RPS6KA5: variants seen among roughly 807,000 people sequenced by gnomAD.
RPS6KA5 encodes the protein ribosomal protein S6 kinase A5.
A neutral mutation model predicts 85.5 loss-of-function variants in RPS6KA5; 27 were observed. That is an observed-to-expected ratio of 0.32 (90% confidence interval 0.23 to 0.44). The LOEUF (loss-of-function observed/expected upper bound fraction) is 0.44, where lower values mean the gene tolerates loss of function less well. Ranked by LOEUF, RPS6KA5 falls within the 20% of genes least tolerant of loss-of-function variation. The pLI, the probability that RPS6KA5 is intolerant of heterozygous loss-of-function variation, is 1.00. For missense variants in RPS6KA5, 811 were observed against 980.9 expected (o/e 0.83, Z 2.31); for synonymous variants, 334 against 348.2 (o/e 0.96, Z 0.46).
In RPS6KA5 at chr14:90,863,326, AAAAAG is replaced by A. The variant is rs1566662648; in HGVS notation, c.*8743_*8747del. The A allele has an allele frequency of 2.1e-5, 3 of 141,504 alleles. No homozygotes were observed. The highest frequency in any genetic ancestry group is 2.1e-4 in the South Asian group (1 of 4,744). 8.8% of individuals were successfully genotyped at this position (141,504 alleles called of 1,614,324 possible). A position where few individuals can be genotyped will look rare whatever the true frequency, so the allele number is the denominator to read the frequency against. ...TCAAAAAAAAAAAAAAAAAAAAAAA[AAAAAG>A]AAAAGAAAAGAAAAAAATATATATA... is the stretch of plus-strand genomic sequence containing the variant. On this transcript the variant is annotated 3_prime_UTR_variant, in exon 17 of 17. Transcript: ENST00000614987.
At chr14:91,007,314 G>C (rs1466039838) in intron 1 of RPS6KA5, among the ~76,000 whole-genome samples, 1 of 152,134 alleles carries the variant, frequency 6.6e-6, no homozygotes, top group Non-Finnish European at 1.5e-5. Context: ...ACTTAGAATA[G>C]AGCTAATCAA....
intron 1 of RPS6KA5, among the ~76,000 whole-genome samples, chr14:91,045,606 C>A (rs1364132656): frequency 6.6e-6 from 1 of 152,196 alleles, no homozygotes; most frequent in African/African-American, 2.4e-5. Context: ...AACACATTCA[C>A]AATTGTTAAT....
At position 90,889,649 on chromosome 14, in the gene RPS6KA5, C is replaced by T. The variant is rs371354303; in HGVS notation, c.1836+838G>A. Among the ~76,000 whole-genome samples the T allele has an allele frequency of 1.3e-3, 197 of 152,088 alleles. 1 individual carries two copies. The highest frequency in any genetic ancestry group is 4.3e-3 in the African/African-American group (179 of 41,508). On this transcript the variant is annotated intron_variant, in intron 14 of 16. Transcript: ENST00000614987. ...TGAAAAAGTGAAAAAAAGCTAACTG[C>T]TTATTAGTAAATAAATGGTTACATA...
chr14:90,943,043 C>A, intron 5 of RPS6KA5, 35 bp downstream of exon 5: 1 of 1,139,950 alleles, frequency 8.8e-7, no homozygotes, highest in South Asian at 1.2e-5. Context: ...TGTTTACATG[C>A]TGTTATTACT....
chr14:91,036,293 G>A lies in RPS6KA5; in HGVS notation c.103+24039C>T, dbSNP rs1041578999. On this transcript the variant is annotated intron_variant, in intron 1 of 16. Transcript: ENST00000614987. ...CCTACTGATTTCATCTTCAAAGGTCGGAAGACAGTATAATGAAGGAAGAAG... is the reference window on the plus strand; with the variant it reads ...CCTACTGATTTCATCTTCAAAGGTCAGAAGACAGTATAATGAAGGAAGAAG... 3.3e-5 allele frequency among the ~76,000 whole-genome samples: 5 copies of A among 152,154 alleles called. No homozygotes were observed. In the East Asian group the frequency reaches 7.7e-4, roughly 23 times the overall value.
chr14:90,997,282 A>C (rs1231759612), intron 2 of RPS6KA5, among the ~76,000 whole-genome samples: 3 of 152,250 alleles, frequency 2.0e-5, no homozygotes, highest in African/African-American at 7.2e-5. Context: ...CAAAATATTT[A>C]AAAGTGTGCA....
In RPS6KA5 at chr14:90,923,095, A is replaced by G. The variant is rs749831908; in HGVS notation, c.702+18T>C. ...ATTTTATAGAAATACATAAAGAAGC[A>G]TCAAAAATAGAACATACCTTGTCAT... On this transcript the variant is annotated intron_variant, in intron 6 of 16. Transcript: ENST00000614987. 2 of 1,561,152 alleles carry G rather than the reference A, an allele frequency of 1.3e-6. No individual in the cohort carries two copies. The highest frequency in any genetic ancestry group is 2.2e-5 in the South Asian group (2 of 89,442).
At chr14:90,891,566 T>C (rs1484231418) in intron 13 of RPS6KA5, among the ~76,000 whole-genome samples, 2 of 152,152 alleles carry the variant, frequency 1.3e-5, no homozygotes, top group Non-Finnish European at 2.9e-5. Context: ...TATGCCTTTA[T>C]AGTCATTAAA....
intron 3 of RPS6KA5, among the ~76,000 whole-genome samples, chr14:90,964,138 T>A (rs2038942827): frequency 6.6e-6 from 1 of 152,144 alleles, no homozygotes; most frequent in African/African-American, 2.4e-5. Context: ...TAGCACTATT[T>A]CTAATTTTCT....
chr14:91,054,822 CT>C (rs2043247367), intron 1 of RPS6KA5, among the ~76,000 whole-genome samples: 1 of 151,758 alleles, frequency 6.6e-6, no homozygotes, highest in Non-Finnish European at 1.5e-5. Context: ...TAATTAAAGA[CT>C]TTTGTGCTCC....
intron 1 of RPS6KA5, among the ~76,000 whole-genome samples, chr14:91,041,514 C>T (rs1383459897): frequency 1.3e-5 from 2 of 152,190 alleles, no homozygotes; most frequent in Non-Finnish European, 2.9e-5. Context: ...ATAGTATTGA[C>T]AACACATACA....
chr14:90,857,178 G>A lies in RPS6KA5; in HGVS notation c.*14896C>T, dbSNP rs939877832. Reference sequence around the variant, plus strand: ...TCTTTGTAATAAAAAAAAATCCACTGGATAAAGTTTCAAAAGTGGGAAAGA... The same window carrying A: ...TCTTTGTAATAAAAAAAAATCCACTAGATAAAGTTTCAAAAGTGGGAAAGA... On this transcript the variant is annotated 3_prime_UTR_variant, in exon 17 of 17. Coordinates refer to ENST00000614987, the MANE Select transcript of RPS6KA5 (RefSeq NM_004755.4). 3.3e-5 allele frequency: 5 copies of A among 152,072 alleles called. No individual in the cohort carries two copies. Among genetic ancestry groups the A allele is most frequent in the Non-Finnish European group, 7.4e-5 (5 of 68,016 alleles). 9.4% of individuals were successfully genotyped at this position (152,072 alleles called of 1,614,324 possible). A position where few individuals can be genotyped will look rare whatever the true frequency, so the allele number is the denominator to read the frequency against.
chr14:90,962,883 A>G (rs1344334683), intron 3 of RPS6KA5, among the ~76,000 whole-genome samples: 3 of 152,202 alleles, frequency 2.0e-5, no homozygotes, highest in South Asian at 4.1e-4. Context: ...CTCTACTCCT[A>G]AACATTTCAG....
chr14:91,059,069 T>C (rs1438986237), intron 1 of RPS6KA5, among the ~76,000 whole-genome samples: 1 of 152,204 alleles, frequency 6.6e-6, no homozygotes, highest in East Asian at 1.9e-4. Flanking sequence ...GGCTCACGCC[T>C]GTAATCCCAG....
chr14:90,978,659 T>C, intron 2 of RPS6KA5, 135 bp from the exon 3 acceptor site: 1 of 617,434 alleles, frequency 1.6e-6, no homozygotes, highest in Non-Finnish European at 2.7e-6. Context: ...CCAGTTCAAA[T>C]AGTTATTTGA....
intron 3 of RPS6KA5, among the ~76,000 whole-genome samples, chr14:90,963,032 C>T (rs1055361578): frequency 6.6e-6 from 1 of 152,152 alleles, no homozygotes; most frequent in African/African-American, 2.4e-5. Flanking sequence ...CCCAATAATG[C>T]TCTTTGTGGC....
chr14:90,906,074 T>C, intron 8 of RPS6KA5, 75 bp downstream of exon 8: 1 of 1,381,472 alleles, frequency 7.2e-7, no homozygotes, highest in Non-Finnish European at 9.9e-7. Flanking sequence ...CTGTGTTCAC[T>C]AATTTCACCA....
intron 7 of RPS6KA5, among the ~76,000 whole-genome samples, chr14:90,912,605 C>T (rs1442860259): frequency 2.0e-5 from 3 of 152,170 alleles, no homozygotes; most frequent in Non-Finnish European, 2.9e-5. Context: ...CCCAGGTGAA[C>T]GGTGCTGTTG....
chr14:91,058,194 G>A (rs1050368866), intron 1 of RPS6KA5, among the ~76,000 whole-genome samples: 2 of 152,090 alleles, frequency 1.3e-5, no homozygotes, highest in South Asian at 2.1e-4. Context: ...CACTATATCC[G>A]GTCAGTTGTT....
Sources: gnomAD v4.1 joint callset for allele counts (sites outside exome capture counted in the v4.1 genomes callset) on GRCh38, gnomAD v4.1.1 for gene constraint, MANE v1.5 for transcripts, NCBI Gene and HGNC (gene_info 2026-07-23, HGNC 2026-07-21) for gene names.